Variants in LDHAL6A observed in about 807,000 individuals in gnomAD.
LDHAL6A encodes lactate dehydrogenase A like 6A.
Under a neutral mutation model 28.2 loss-of-function variants are expected in LDHAL6A, and 19 were observed. That is an observed-to-expected ratio of 0.67 (90% CI 0.47 to 0.99). The LOEUF is 0.99. LDHAL6A is among the 50% of genes least tolerant of loss of function. The probability of loss-of-function intolerance (pLI) is 0.00; values close to 1 mark genes in which losing one functional copy is unlikely to be tolerated. For missense variants in LDHAL6A, 372 were observed against 398.6 expected (o/e 0.93, Z 0.57); for synonymous variants, 144 against 134.4 (o/e 1.07, Z -0.49).
intron 3 of LDHAL6A, among the ~76,000 whole-genome samples, chr11:18,471,103 ACAAG>A (rs1849247061): frequency 1.3e-5 from 2 of 152,198 alleles, no homozygotes; most frequent in Middle Eastern, 3.2e-3. Flanking sequence ...AAAAATTAAA[ACAAG>A]CAATTAGTAA....
intron 3 of LDHAL6A, among the ~76,000 whole-genome samples, chr11:18,474,588 T>C (rs1849327371): frequency 1.3e-5 from 2 of 152,098 alleles, no homozygotes; most frequent in Admixed American, 1.3e-4. Flanking sequence ...GGTTTCAGCA[T>C]GTTGGCCAGG....
At chr11:18,465,063 C>A (rs142230220) in intron 2 of LDHAL6A, among the ~76,000 whole-genome samples, 1 of 147,374 alleles carries the variant, frequency 6.8e-6, no homozygotes, top group Admixed American at 7.0e-5. Context: ...CTTCTGGGCT[C>A]GTGTGTGATC....
At chr11:18,462,434 A>G (rs149110333) in intron 1 of LDHAL6A, among the ~76,000 whole-genome samples, 14,908 of 151,538 alleles carry the variant, frequency 0.098, 880 homozygotes, top group Middle Eastern at 0.2. Context: ...TCAGGAGATC[A>G]AGACCATCCT....
chr11:18,478,936 C>A lies in LDHAL6A; in HGVS notation c.*66C>A. On this transcript the variant is annotated 3_prime_UTR_variant, in exon 7 of 7. Transcript: ENST00000280706. ...TAGTTATGGAATTGTATATGTCAAA[C>A]TTTTGAATAAATTTGAATTTCTAAA... 7.6e-7 allele frequency: 1 copy of A among 1,309,536 alleles called. No individual in the cohort carries two copies. The highest frequency in any genetic ancestry group is 1.1e-6 in the Non-Finnish European group (1 of 949,714). The allele number at this position is 1,309,536 out of a possible 1,614,324, so 81.1% of individuals were successfully genotyped here.
intron 3 of LDHAL6A, among the ~76,000 whole-genome samples, chr11:18,472,209 G>A (rs537284344): frequency 2.0e-5 from 3 of 152,232 alleles, no homozygotes; most frequent in East Asian, 1.9e-4. Context: ...GGCAGTTGAC[G>A]AACCTCTTAA....
At chr11:18,476,363 T>A (rs1460973569) in intron 4 of LDHAL6A, 21 bp from the exon 5 acceptor site, 4 of 1,605,674 alleles carry the variant, frequency 2.5e-6, no homozygotes, top group Non-Finnish European at 3.4e-6. Context: ...AGAAGTGGGA[T>A]TTTGGGTGTC....
intron 3 of LDHAL6A, 133 bp downstream of exon 3, chr11:18,465,943 A>G (rs1849061310): frequency 7.8e-6 from 5 of 640,834 alleles, no homozygotes; most frequent in South Asian, 4.7e-5. Flanking sequence ...TGAGCAAAGT[A>G]CCTAATAGTT....
At chr11:18,459,342 T>G (rs1417848654) in intron 1 of LDHAL6A, among the ~76,000 whole-genome samples, 1 of 151,974 alleles carries the variant, frequency 6.6e-6, no homozygotes, top group Non-Finnish European at 1.5e-5. Flanking sequence ...AACATCAGAC[T>G]CCAAGTTCTT....
intron 3 of LDHAL6A, chr11:18,468,285 G>A (rs1035068586): frequency 1.3e-5 from 2 of 149,776 alleles, no homozygotes; most frequent in South Asian, 2.1e-4. Flanking sequence ...AAGTGTGAAT[G>A]TCTTTCAGTT....
intron 1 of LDHAL6A, among the ~76,000 whole-genome samples, chr11:18,460,428 C>T (rs1848867487): frequency 6.6e-6 from 1 of 151,546 alleles, no homozygotes; most frequent in African/African-American, 2.4e-5. Context: ...CCCATCTCTA[C>T]TAAAAATATA....
At chr11:18,460,643 C>G (rs890963583) in intron 1 of LDHAL6A, among the ~76,000 whole-genome samples, 1 of 150,684 alleles carries the variant, frequency 6.6e-6, no homozygotes, top group Non-Finnish European at 1.5e-5. Context: ...GCTAGTAGTA[C>G]TAGCTACTTG....
chr11:18,467,930 TATATATACACACAC>T (rs1849130216), intron 3 of LDHAL6A, among the ~76,000 whole-genome samples: 6 of 77,532 alleles, frequency 7.7e-5, no homozygotes, highest in African/African-American at 3.2e-4. Flanking sequence ...CACACACATA[TATATATACACACAC>T]ATATATATAT....
chr11:18,472,225 A>C (rs1849271999), intron 3 of LDHAL6A, among the ~76,000 whole-genome samples: 1 of 152,178 alleles, frequency 6.6e-6, no homozygotes, highest in Non-Finnish European at 1.5e-5. Flanking sequence ...CTTAAGGCCC[A>C]GGATGACTAA....
In LDHAL6A at chr11:18,456,586, C is replaced by A; in HGVS notation, c.-95C>A. 8.8e-7 allele frequency: 1 copy of A among 1,142,718 alleles called. No homozygotes were observed. The highest frequency in any genetic ancestry group is 1.3e-5 in the South Asian group (1 of 77,482). The allele number at this position is 1,142,718 out of a possible 1,614,324, so 70.8% of individuals were successfully genotyped here. On this transcript the variant is annotated 5_prime_UTR_variant, in exon 1 of 7. The change creates a premature stop within an existing upstream ORF in the 5' untranslated region. Coordinates refer to ENST00000280706, the MANE Select transcript of LDHAL6A (RefSeq NM_144972.5). The stretch of plus-strand genomic sequence containing the variant: ...CACACGGGCCCAGGAGTTCTCTATA[C>A]GCGCTCTCACCGCAGGTCTTGGAAT...
chr11:18,459,203 T>C (rs890197918), intron 1 of LDHAL6A, among the ~76,000 whole-genome samples: 75 of 152,318 alleles, frequency 4.9e-4, no homozygotes, highest in African/African-American at 1.5e-3. Flanking sequence ...ACCCTCAATC[T>C]GGGTGAGCAC....
At chr11:18,467,926 C>CACATATAT (rs1362184550) in intron 3 of LDHAL6A, among the ~76,000 whole-genome samples, 14 of 55,452 alleles carry the variant, frequency 2.5e-4, no homozygotes, top group African/African-American at 1.1e-3. Context: ...TATACACACA[C>CACATATAT]ATATATATAT....
chr11:18,475,961 T>G (rs1414444480), intron 4 of LDHAL6A, among the ~76,000 whole-genome samples: 1 of 151,108 alleles, frequency 6.6e-6, no homozygotes, highest in Non-Finnish European at 1.5e-5. Flanking sequence ...GTGTACTTCA[T>G]GTAGTAGGCA....
chr11:18,478,413 G>A (rs189935012), intron 6 of LDHAL6A, among the ~76,000 whole-genome samples: 11 of 152,100 alleles, frequency 7.2e-5, no homozygotes, highest in South Asian at 6.2e-4. Flanking sequence ...GTTTTCTGTC[G>A]GCCGGGCGTG....
chr11:18,470,643 T>C (rs1337503796), intron 3 of LDHAL6A, among the ~76,000 whole-genome samples: 1 of 152,184 alleles, frequency 6.6e-6, no homozygotes, highest in African/African-American at 2.4e-5. Context: ...TTTTTAAACA[T>C]TACTAACTTT....
Sources: allele counts gnomAD v4.1 joint callset (sites outside exome capture counted in the v4.1 genomes callset), GRCh38; gene constraint gnomAD v4.1.1; transcripts MANE v1.5; gene names NCBI Gene and HGNC (gene_info 2026-07-23, HGNC 2026-07-21).